PPFIA2: variants seen among roughly 807,000 people sequenced by gnomAD.
The protein encoded by PPFIA2 is PPFI scaffold protein A2.
Under a neutral mutation model 175.5 loss-of-function variants are expected in PPFIA2, and 46 were observed. The ratio of observed to expected loss-of-function variants is 0.26; its 90% CI spans 0.21 to 0.34. PPFIA2 has a LOEUF of 0.34. Among genes scored for constraint, PPFIA2 ranks in the 10% least tolerant of loss-of-function variants. The pLI is 1.00. For synonymous variants in PPFIA2, 568 were observed against 511.4 expected (o/e 1.11, Z -1.49); for missense variants, 1,179 against 1,506.1 (o/e 0.78, Z 3.60).
chr12:81,642,805 ATGTATTACATACATG>A (rs2065448364), intron 4 of PPFIA2, among the ~76,000 whole-genome samples: 2 of 25,762 alleles, frequency 7.8e-5, no homozygotes, highest in South Asian at 3.3e-3. Context: ...ATATGTATGT[ATGTATTACATACATG>A]TATATGTATG....
chr12:81,297,118 C>T lies in PPFIA2; in HGVS notation c.2725-2083G>A, dbSNP rs141241830. On this transcript the variant is annotated intron_variant, in intron 23 of 32. Coordinates refer to ENST00000549396, the MANE Select transcript of PPFIA2 (RefSeq NM_003625.5). ...ACTAATGTTTCTGGCCAACAGCCAG[C>T]AGGAAACTGAATCATGACCCTGACC... 5.8e-4 allele frequency among the ~76,000 whole-genome samples: 89 copies of T among 152,230 alleles called. 3 individuals are homozygous for T. In the South Asian group the frequency reaches 0.015, roughly 26 times the overall value.
intron 4 of PPFIA2, among the ~76,000 whole-genome samples, chr12:81,634,337 A>G (rs1041808943): frequency 6.6e-6 from 1 of 152,020 alleles, no homozygotes; most frequent in African/African-American, 2.4e-5. Flanking sequence ...TAATGAAACG[A>G]GAATGATTTC....
chr12:81,619,934 C>T (rs917697206), intron 4 of PPFIA2, among the ~76,000 whole-genome samples: 1 of 151,804 alleles, frequency 6.6e-6, no homozygotes, highest in African/African-American at 2.4e-5. Context: ...CCGAGGCGGG[C>T]GGATCACGAG....
chr12:81,598,953 T>C (rs1025265214), intron 4 of PPFIA2, among the ~76,000 whole-genome samples: 18 of 151,970 alleles, frequency 1.2e-4, no homozygotes, highest in African/African-American at 4.1e-4. Context: ...TATACATATA[T>C]ACACACAAGA....
intron 30 of PPFIA2, among the ~76,000 whole-genome samples, chr12:81,265,281 G>A (rs551177030): frequency 1.8e-3 from 124 of 67,738 alleles, no homozygotes; most frequent in Non-Finnish European, 2.4e-3. Context: ...CAACAAGAGC[G>A]AAACTCTGTC....
intron 4 of PPFIA2, among the ~76,000 whole-genome samples, chr12:81,464,535 C>T (rs941782035): frequency 1.3e-5 from 2 of 152,234 alleles, no homozygotes; most frequent in Middle Eastern, 3.4e-3. Flanking sequence ...CTGCAAATAT[C>T]TCAAATGACA....
At chr12:81,400,989 A>C (rs566236405) in intron 8 of PPFIA2, among the ~76,000 whole-genome samples, 20 of 152,236 alleles carry the variant, frequency 1.3e-4, no homozygotes, top group African/African-American at 4.8e-4. Flanking sequence ...GTTTTGTGAA[A>C]GTTTTTCATA....
At chr12:81,357,940 GT>G (rs527843638) in intron 16 of PPFIA2, 141 bp downstream of exon 16, 3 of 875,980 alleles carry the variant, frequency 3.4e-6, no homozygotes, top group Non-Finnish European at 4.9e-6. Flanking sequence ...GTTACTTATA[GT>G]TTTTTTAAAA....
chr12:81,578,811 C>T (rs575080913), intron 4 of PPFIA2, among the ~76,000 whole-genome samples: 10 of 151,726 alleles, frequency 6.6e-5, no homozygotes, highest in Non-Finnish European at 1.3e-4. Flanking sequence ...CATGATGCCT[C>T]TCAGGAAATA....
chr12:81,672,698 T>C (rs1342137560), intron 4 of PPFIA2, among the ~76,000 whole-genome samples: 2 of 151,972 alleles, frequency 1.3e-5, no homozygotes, highest in Admixed American at 6.6e-5. Flanking sequence ...AAGAAATAAA[T>C]AGAAAGAAAA....
intron 4 of PPFIA2, among the ~76,000 whole-genome samples, chr12:81,499,236 T>C (rs1308673602): frequency 1.3e-5 from 2 of 152,202 alleles, no homozygotes; most frequent in Non-Finnish European, 2.9e-5. Flanking sequence ...CTGTTCTCTA[T>C]CTTTTATGAC....
In PPFIA2 at chr12:81,439,913, C is replaced by T. The variant is rs185265528; in HGVS notation, c.645+59G>A. On this transcript the variant is annotated intron_variant, in intron 7 of 32. Coordinates refer to ENST00000549396, the MANE Select transcript of PPFIA2 (RefSeq NM_003625.5). ...GTTATAATAAAAGTGACGTGAAACA[C>T]AAGGGATGTAATGTCAGCGATATTG... 4.3e-4 allele frequency: 570 copies of T among 1,317,882 alleles called. 8 individuals carry two copies. In the South Asian group the frequency reaches 6.3e-3, roughly 15 times the overall value. The allele number at this position is 1,317,882 out of a possible 1,614,324, so 81.6% of individuals were successfully genotyped here.
At chr12:81,495,534 G>C (rs2147211953) in intron 4 of PPFIA2, among the ~76,000 whole-genome samples, 1 of 152,140 alleles carries the variant, frequency 6.6e-6, no homozygotes, top group Admixed American at 6.6e-5. Context: ...GCTAGGTATG[G>C]TGGCTCATGC....
chr12:81,434,792 T>C (rs1483275822), intron 7 of PPFIA2, among the ~76,000 whole-genome samples: 1 of 152,080 alleles, frequency 6.6e-6, no homozygotes, highest in Non-Finnish European at 1.5e-5. Flanking sequence ...CAATAAAATC[T>C]GACTCTAAAA....
chr12:81,288,964 A>T (rs1181270555), intron 24 of PPFIA2, among the ~76,000 whole-genome samples: 3 of 151,834 alleles, frequency 2.0e-5, no homozygotes, highest in Non-Finnish European at 3.0e-5. Flanking sequence ...ATGCTATAAA[A>T]AGAAGGAAAA....
At chr12:81,705,239 G>A (rs939796790) in intron 3 of PPFIA2, among the ~76,000 whole-genome samples, 25 of 151,270 alleles carry the variant, frequency 1.7e-4, no homozygotes, top group Non-Finnish European at 3.2e-4. Flanking sequence ...CACGAGGTCA[G>A]GAGATCGAGA....
chr12:81,583,682 C>CTGAA (rs2074751970), intron 4 of PPFIA2, among the ~76,000 whole-genome samples: 1 of 151,874 alleles, frequency 6.6e-6, no homozygotes. Context: ...ATGGGTTGTA[C>CTGAA]TGAATGAGTG....
At chr12:81,334,552 T>C (rs552804590) in intron 21 of PPFIA2, among the ~76,000 whole-genome samples, 136 of 152,014 alleles carry the variant, frequency 8.9e-4, no homozygotes, top group Non-Finnish European at 1.7e-3. Flanking sequence ...GTAATGCCTA[T>C]ATTCTGGTTG....
chr12:81,498,625 T>C (rs2060269566), intron 4 of PPFIA2, among the ~76,000 whole-genome samples: 1 of 152,062 alleles, frequency 6.6e-6, no homozygotes, highest in Non-Finnish European at 1.5e-5. Flanking sequence ...TTATTCATTA[T>C]TTATTTATTT....
Sources: gnomAD v4.1 joint callset for allele counts (sites outside exome capture counted in the v4.1 genomes callset) on GRCh38, gnomAD v4.1.1 for gene constraint, MANE v1.5 for transcripts, NCBI Gene and HGNC (gene_info 2026-07-23, HGNC 2026-07-21) for gene names.